ACIN1: variants seen among roughly 807,000 people sequenced by gnomAD.
ACIN1 encodes apoptotic chromatin condensation inducer in the nucleus.
Under a neutral mutation model 146.6 loss-of-function variants are expected in ACIN1, and 16 were observed. That is an observed-to-expected ratio of 0.11 (90% CI 0.07 to 0.17). The LOEUF (loss-of-function observed/expected upper bound fraction) is 0.17. Among genes scored for constraint, ACIN1 ranks in the 10% least tolerant of loss-of-function variants. ACIN1 has a pLI of 1.00. For missense variants in ACIN1, 1,357 were observed against 1,609.3 expected, an observed-to-expected ratio of 0.84 and a Z score of 2.68; for synonymous variants, 569 against 582.7, an observed-to-expected ratio of 0.98 and a Z score of 0.34.
intron 6 of ACIN1, 122 bp from the exon 7 acceptor site, chr14:23,079,160 T>A (rs2047878077): frequency 9.9e-7 from 1 of 1,008,166 alleles, no homozygotes; most frequent in Admixed American, 2.8e-5. Context: ...TGTCTGTGTT[T>A]ACTCCCATTT....
chr14:23,093,388 A>C lies in ACIN1; in HGVS notation c.204+91T>G, dbSNP rs2048278221. 7.0e-6 allele frequency: 9 copies of C among 1,280,042 alleles called. No individual in the cohort carries two copies. In the South Asian group the frequency reaches 8.6e-5, roughly 12 times the overall value. The allele number at this position is 1,280,042 out of a possible 1,614,324, so 79.3% of individuals were successfully genotyped here. On this transcript the variant is annotated intron_variant, in intron 2 of 18. Transcript: ENST00000605057. ...AAGAGAACTTAGGAAAACAGTCATG[A>C]GGACTTAAGCATCAAATATACAACA...
chr14:23,069,649 C>CG, intron 8 of ACIN1, 32 bp from the exon 9 acceptor site: 5 of 526,766 alleles, frequency 9.5e-6, no homozygotes, highest in Non-Finnish European at 1.5e-5. Context: ...GGTGGGGGGG[C>CG]GGGCAGAAAA....
At chr14:23,091,891 T>C (rs1241407667) in intron 2 of ACIN1, among the ~76,000 whole-genome samples, 1 of 152,158 alleles carries the variant, frequency 6.6e-6, no homozygotes, top group African/African-American at 2.4e-5. Flanking sequence ...CCCAAAGTGC[T>C]AGCATTACAG....
chr14:23,080,596 T>C lies in ACIN1; in HGVS notation c.739A>G (p.Lys247Glu). The C allele has an allele frequency of 6.2e-7, 1 of 1,614,142 alleles. No homozygotes were observed. The highest frequency in any genetic ancestry group is 1.3e-5 in the African/African-American group (1 of 75,020). Residue 247 changes from lysine to glutamate, a missense_variant, in exon 6 of 19, where the codon AAG (lysine) becomes GAG (glutamate). Lys to Glu is a moderately conservative substitution (Grantham distance 56). Coordinates refer to ENST00000605057, the MANE Select transcript of ACIN1 (RefSeq NM_001386863.1). ...SREAPILKEF[K>E]EEGEEIPRVK... is the part of the protein sequence containing the mutation. ...CTAGGTATCTCTTCCCCTTCTTCCT[T>C]AAACTCTTTCAGGATTGGTGCCTCC...
intron 4 of ACIN1, among the ~76,000 whole-genome samples, chr14:23,086,388 TAC>T (rs1009763692): frequency 3.3e-5 from 5 of 152,254 alleles, no homozygotes; most frequent in African/African-American, 4.8e-5. Flanking sequence ...AGAATTTCTG[TAC>T]ACACAGTCAT....
intron 18 of ACIN1, among the ~76,000 whole-genome samples, chr14:23,060,374 CTTTT>C (rs2047238302): frequency 6.6e-6 from 1 of 152,138 alleles, no homozygotes; most frequent in African/African-American, 2.4e-5. Context: ...GAACAAATCT[CTTTT>C]TTGAGTAGCA....
At chr14:23,064,577 AG>A in intron 10 of ACIN1, 89 bp from the exon 11 acceptor site, 1 of 1,516,602 alleles carries the variant, frequency 6.6e-7, no homozygotes, top group Non-Finnish European at 8.9e-7. Context: ...CTCTGGCTGG[AG>A]TTTTGGTAAA....
rs2140162418 is a variant in ACIN1 at position 23,080,632 on chromosome 14, G to C, written c.703C>G (p.Gln235Glu). ...AGGATTGGTGCCTCCCTAGATTTTTGTCCCTCATCATCACCTTCCTCTTCT... is the reference window on the plus strand; with the variant it reads ...AGGATTGGTGCCTCCCTAGATTTTTCTCCCTCATCATCACCTTCCTCTTCT... ...DEEEEGDDEG[Q>E]KSREAPILKE... Residue 235 changes from glutamine to glutamate, a missense_variant, in exon 6 of 19, where the codon CAA (glutamine) becomes GAA (glutamate). By Grantham distance (29) the Gln-to-Glu change is conservative. Coordinates refer to ENST00000605057, the MANE Select transcript of ACIN1 (RefSeq NM_001386863.1). 1 of 1,613,526 alleles carries C rather than the reference G, an allele frequency of 6.2e-7. No homozygotes were observed. The highest frequency in any genetic ancestry group is 8.5e-7 in the Non-Finnish European group (1 of 1,179,912).
intron 4 of ACIN1, among the ~76,000 whole-genome samples, chr14:23,086,405 T>C (rs751380205): frequency 2.0e-5 from 3 of 152,218 alleles, no homozygotes; most frequent in African/African-American, 4.8e-5. Context: ...AGTCATGATA[T>C]AGAAGGAAAT....
chr14:23,080,367 T>C lies in ACIN1; in HGVS notation c.968A>G (p.Lys323Arg), dbSNP rs953088318. Residue 323 changes from lysine to arginine, a missense_variant, in exon 6 of 19, where the codon AAG (lysine) becomes AGG (arginine). Transcript: ENST00000605057. ...EREIKSSQGL[K>R]EKSKSPSPPR... ...AGGGGAAGGAGACTTCGATTTTTCC[T>C]TTAAGCCTTGTGAAGATTTTATTTC... 3.7e-6 allele frequency: 6 copies of C among 1,614,208 alleles called. No homozygotes were observed. The highest frequency in any genetic ancestry group is 5.1e-6 in the Non-Finnish European group (6 of 1,180,030).
In ACIN1 at chr14:23,080,001, A is replaced by T; in HGVS notation, c.1334T>A (p.Leu445Gln). 1 of 1,614,140 alleles carries T rather than the reference A, an allele frequency of 6.2e-7. No individual in the cohort carries two copies. Among genetic ancestry groups the T allele is most frequent in the African/African-American group, 1.3e-5 (1 of 75,044 alleles). The change falls in exon 6 of 19, where the codon CTG becomes CAG. Residue 445 changes from leucine (L) to glutamine (Q), a missense_variant. Physicochemically the swap from Leu to Gln is moderately radical, Grantham distance 113. This residue lies in a region of ACIN1 where 771 missense variants were observed against 746.6 expected (regional missense o/e 1.03). Transcript: ENST00000605057. ...GTCAGCCAGTGTGCTTTTCTGAACC[A>T]GAGGCAGGACACTCTCCTCTGGCAC... is the stretch of plus-strand genomic sequence containing the variant. Reference protein sequence around the residue: ...EKVPEESVLPLVQKSTLADYS... With the variant: ...EKVPEESVLPQVQKSTLADYS...
intron 4 of ACIN1, among the ~76,000 whole-genome samples, chr14:23,088,777 T>C (rs1217265246): frequency 6.6e-6 from 1 of 152,224 alleles, no homozygotes; most frequent in Non-Finnish European, 1.5e-5. Context: ...ACAAGTGTTT[T>C]AGATTTTGGA....
rs758108448 is a variant in ACIN1, at chr14:23,061,384, C to T, written c.3338G>A (p.Arg1113Gln). ...SEREWDRDKV[R>Q]EGPRSRSRSR... ...CCTTGATCGGGAACGGGGCCCTTCT[C>T]GAACTTTGTCCCGATCCCATTCACG... Residue 1113 changes from arginine (R) to glutamine (Q), a missense_variant, in exon 17 of 19, where the codon CGA becomes CAA. By Grantham distance (43) the Arg-to-Gln change is conservative (BLOSUM62 1). This residue lies in a region of ACIN1 where 509 missense variants were observed against 719.6 expected (regional missense o/e 0.71). Transcript: ENST00000605057. The T allele has an allele frequency of 8.1e-6, 13 of 1,614,036 alleles. No homozygotes were observed. Among genetic ancestry groups the T allele is most frequent in the African/African-American group, 2.7e-5 (2 of 74,918 alleles).
chr14:23,077,831 A>AAG, intron 8 of ACIN1: 1 of 169,632 alleles, frequency 5.9e-6, no homozygotes, highest in South Asian at 1.6e-4. Context: ...GTTAAAGATT[A>AAG]AGATGCCCGG....
chr14:23,075,605 A>ATT (rs5807201), intron 8 of ACIN1, among the ~76,000 whole-genome samples: 62,008 of 148,794 alleles, frequency 0.42, 12,877 homozygotes, highest in Middle Eastern at 0.57. Context: ...TTGAAGTCTA[A>ATT]TTTTTTTTTT....
intron 8 of ACIN1, 66 bp from the exon 9 acceptor site, chr14:23,069,683 G>C: frequency 4.0e-6 from 6 of 1,487,704 alleles, no homozygotes; most frequent in Non-Finnish European, 4.6e-6. Context: ...GAGAGAGCAA[G>C]ATGTTAGTTA....
At position 23,093,520 on chromosome 14, in the gene ACIN1, T is replaced by C; in HGVS notation, c.163A>G (p.Lys55Glu). ...KGALMLENLQ[K>E]HSTPHAAFQP... The stretch of plus-strand genomic sequence containing the variant: ...AATGCAGCATGGGGTGTTGAGTGTT[T>C]CTGTAAATTTTCTAGCATTAGAGCC... The change falls in exon 2 of 19, where the codon AAA becomes GAA. Residue 55 changes from lysine to glutamate, a missense_variant. Transcript: ENST00000605057. 1 of 1,614,088 alleles carries C rather than the reference T, an allele frequency of 6.2e-7. No individual in the cohort carries two copies. The highest frequency in any genetic ancestry group is 8.5e-7 in the Non-Finnish European group (1 of 1,179,984).
In ACIN1 at chr14:23,080,080, G is replaced by C. The variant is rs770385752; in HGVS notation, c.1255C>G (p.Leu419Val). The C allele has an allele frequency of 6.2e-6, 10 of 1,614,050 alleles. No homozygotes were observed. In the Admixed American group the frequency reaches 1.2e-4, roughly 19 times the overall value. The change falls in exon 6 of 19, where the codon CTG (leucine) becomes GTG (valine). Residue 419 changes from leucine (L) to valine (V), a missense_variant. Physicochemically the swap from Leu to Val is conservative, Grantham distance 32. Coordinates refer to ENST00000605057, the MANE Select transcript of ACIN1 (RefSeq NM_001386863.1). ...SQHTVQLVGG[L>V]SPLSSPSDTK... ...TCTGAAGGACTTGACAAAGGAGACA[G>C]GCCTCCTACCAACTGGACAGTATGC...
Position 23,095,103 on chromosome 14 carries a change from G to A in ACIN1, c.10C>T (p.Leu4=), listed in dbSNP as rs762808965. The change falls in exon 1 of 19, where the codon CTG becomes TTG. Residue 4 remains leucine (L), a synonymous_variant. Coordinates refer to ENST00000605057, the MANE Select transcript of ACIN1 (RefSeq NM_001386863.1). MAE[L]EEVTLDGKPL... ...TTCCCGTCCAGAGTCACCTCCTCCAGCTCCGCCATCTTGCGTGAGGTACTC... is the reference window on the plus strand; with the variant it reads ...TTCCCGTCCAGAGTCACCTCCTCCAACTCCGCCATCTTGCGTGAGGTACTC... 1 of 1,614,206 alleles carries A rather than the reference G, an allele frequency of 6.2e-7. No homozygotes were observed. Among genetic ancestry groups the A allele is most frequent in the Non-Finnish European group, 8.5e-7 (1 of 1,180,036 alleles).
Sources: gnomAD v4.1 joint callset for allele counts (sites outside exome capture counted in the v4.1 genomes callset) on GRCh38, gnomAD v4.1.1 for gene constraint, gnomAD v4.1.1 regional missense constraint, MANE v1.5 for transcripts, NCBI Gene and HGNC (gene_info 2026-07-23, HGNC 2026-07-21) for gene names.